PGM5: variants seen among roughly 807,000 people sequenced by gnomAD.
The protein encoded by PGM5 is phosphoglucomutase-like protein 5.
PGM5 carries 23 observed loss-of-function variants against 59.2 expected under a neutral mutation model. The ratio of observed to expected loss-of-function variants is 0.39; its 90% confidence interval spans 0.28 to 0.55. PGM5 has a LOEUF of 0.55. Ranked by LOEUF, PGM5 falls within the 20% of genes least tolerant of loss-of-function variation. The probability of loss-of-function intolerance (pLI) is 0.66; values close to 1 mark genes in which losing one functional copy is unlikely to be tolerated. For missense variants in PGM5, 574 were observed against 748.3 expected (o/e 0.77, Z 2.72); for synonymous variants, 214 against 286.0 (o/e 0.75, Z 2.54).
At chr9:68,434,529 TG>T (rs1314194144) in intron 6 of PGM5, among the ~76,000 whole-genome samples, 1 of 151,278 alleles carries the variant, frequency 6.6e-6, no homozygotes, top group African/African-American at 2.4e-5. Flanking sequence ...GATCTTGGCT[TG>T]GTGCGGTGGC....
chr9:68,463,391 G>C (rs1378688732), intron 6 of PGM5, among the ~76,000 whole-genome samples: 1 of 152,030 alleles, frequency 6.6e-6, no homozygotes, highest in East Asian at 1.9e-4. Context: ...TCAGTTGCTA[G>C]CTCTGGGGAA....
At position 68,502,141 on chromosome 9, in the gene PGM5, T is replaced by A. The variant is rs148042592; in HGVS notation, c.1614+2780T>A. 4.6e-3 allele frequency among the ~76,000 whole-genome samples: 705 copies of A among 152,344 alleles called. 3 individuals are homozygous for A. Among genetic ancestry groups the A allele is most frequent in the African/African-American group, 0.016 (662 of 41,582 alleles). On this transcript the variant is annotated intron_variant, in intron 10 of 10. Coordinates refer to ENST00000396396, the MANE Select transcript of PGM5 (RefSeq NM_021965.4). Reference sequence around the variant, plus strand: ...TGGGCCGGGGAGGGCCCTGATGAGATGGGCAGGTTCTTGCCCTGATCCCAC... The same window carrying A: ...TGGGCCGGGGAGGGCCCTGATGAGAAGGGCAGGTTCTTGCCCTGATCCCAC...
chr9:68,430,357 C>T (rs990958446), intron 6 of PGM5, among the ~76,000 whole-genome samples: 1 of 152,148 alleles, frequency 6.6e-6, no homozygotes, highest in Admixed American at 6.5e-5. Context: ...TCATGGAGAG[C>T]GAAATGAGTG....
chr9:68,444,847 G>A (rs1823586213), intron 6 of PGM5, among the ~76,000 whole-genome samples: 1 of 152,164 alleles, frequency 6.6e-6, no homozygotes, highest in Non-Finnish European at 1.5e-5. Context: ...AGGGGTACAG[G>A]AAGGAGTGGA....
intron 10 of PGM5, among the ~76,000 whole-genome samples, chr9:68,510,433 G>A (rs991238027): frequency 5.9e-5 from 9 of 152,150 alleles, no homozygotes; most frequent in African/African-American, 1.7e-4. Flanking sequence ...TTACAGGCTT[G>A]AGCCACCGTG....
chr9:68,512,116 C>A (rs533688213), intron 10 of PGM5, among the ~76,000 whole-genome samples: 3 of 152,306 alleles, frequency 2.0e-5, no homozygotes, highest in Non-Finnish European at 4.4e-5. Context: ...TCAATGATTT[C>A]ATTTCATCCA....
chr9:68,414,036 T>A (rs1252620258), intron 6 of PGM5, among the ~76,000 whole-genome samples: 3 of 151,986 alleles, frequency 2.0e-5, no homozygotes, highest in Non-Finnish European at 2.9e-5. Context: ...TGGAGGTGAG[T>A]TCTTACTCAG....
chr9:68,484,591 CAAAAAACAAAAA>C (rs1400181518), intron 9 of PGM5, among the ~76,000 whole-genome samples: 3 of 137,428 alleles, frequency 2.2e-5, no homozygotes, highest in African/African-American at 9.1e-5. Flanking sequence ...ACAAAACAAA[CAAAAAACAAAAA>C]AAAAAACAAA....
intron 10 of PGM5, among the ~76,000 whole-genome samples, chr9:68,523,160 C>T (rs1368012960): frequency 6.6e-6 from 1 of 152,226 alleles, no homozygotes; most frequent in Non-Finnish European, 1.5e-5. Flanking sequence ...GTAGGTCAGA[C>T]AGCCACTTCT....
chr9:68,396,522 A>G (rs2132017973), intron 6 of PGM5: 1 of 152,360 alleles, frequency 6.6e-6, no homozygotes, highest in African/African-American at 2.4e-5. Context: ...CTCCTTCTCA[A>G]TAAATCTCTG....
Position 68,479,417 on chromosome 9 carries a change from G to C in PGM5, c.1160-1G>C. ...CAGCAGAATTTTTCTTTCACCTTTA[G>C]GCTCTGACCACCTCCGAGAGAAGGA... On this transcript the variant is annotated splice_acceptor_variant, in intron 7 of 10. Transcript: ENST00000396396. LOFTEE classifies it high-confidence loss of function. The C allele has an allele frequency of 6.2e-7, 1 of 1,605,782 alleles. No individual in the cohort carries two copies. Among genetic ancestry groups the C allele is most frequent in the South Asian group, 1.1e-5 (1 of 90,636 alleles).
intron 6 of PGM5, among the ~76,000 whole-genome samples, chr9:68,402,106 A>T (rs2987707): frequency 2.1e-4 from 30 of 145,514 alleles, no homozygotes; most frequent in African/African-American, 6.7e-4. Context: ...TCTACTAAAA[A>T]TGCAAAAATT....
intron 6 of PGM5, among the ~76,000 whole-genome samples, chr9:68,402,170 A>T (rs558609075): frequency 3.2e-4 from 49 of 152,328 alleles, no homozygotes; most frequent in African/African-American, 1.2e-3. Context: ...AGGCTGAGGC[A>T]TGAGAATCGC....
At chr9:68,360,780 A>T (rs1254994136) in intron 1 of PGM5, among the ~76,000 whole-genome samples, 6 of 152,228 alleles carry the variant, frequency 3.9e-5, no homozygotes, top group Admixed American at 3.3e-4. Context: ...TTTTACCCCT[A>T]AATCTTTAGT....
chr9:68,417,301 T>C (rs1417271845), intron 6 of PGM5, among the ~76,000 whole-genome samples: 2 of 152,216 alleles, frequency 1.3e-5, no homozygotes, highest in African/African-American at 2.4e-5. Context: ...CAATGGGTTA[T>C]GCCTTCAGCT....
chr9:68,427,786 A>C (rs1823262821), intron 6 of PGM5, among the ~76,000 whole-genome samples: 1 of 152,126 alleles, frequency 6.6e-6, no homozygotes, highest in African/African-American at 2.4e-5. Context: ...GCTGGATGAA[A>C]ACCAATCCTA....
In PGM5 at chr9:68,424,729, T is replaced by G. The variant is rs563793483; in HGVS notation, c.1043+32256T>G. Among the ~76,000 whole-genome samples, 3 of 152,346 alleles carry G rather than the reference T, an allele frequency of 2.0e-5. No homozygotes were observed. The South Asian group carries it at 6.2e-4, about 32-fold the overall frequency. Reference sequence around the variant, plus strand: ...ATAGCTTTTGACAGATTGTTGTGATTCTCCAGTAAGGACTACAGAATGTAG... The same window carrying G: ...ATAGCTTTTGACAGATTGTTGTGATGCTCCAGTAAGGACTACAGAATGTAG... On this transcript the variant is annotated intron_variant, in intron 6 of 10. Coordinates refer to ENST00000396396, the MANE Select transcript of PGM5 (RefSeq NM_021965.4).
chr9:68,426,038 A>G (rs1304099103), intron 6 of PGM5, among the ~76,000 whole-genome samples: 1 of 152,132 alleles, frequency 6.6e-6, no homozygotes, highest in Non-Finnish European at 1.5e-5. Flanking sequence ...TTAGCTATAT[A>G]TTTTTTAAGC....
chr9:68,516,160 A>C (rs1564027179), intron 10 of PGM5, among the ~76,000 whole-genome samples: 1 of 152,246 alleles, frequency 6.6e-6, no homozygotes, highest in African/African-American at 2.4e-5. Context: ...TCAGAGCCCA[A>C]GACCTTAACT....
Sources: allele counts gnomAD v4.1 joint callset (sites outside exome capture counted in the v4.1 genomes callset), GRCh38; gene constraint gnomAD v4.1.1; transcripts MANE v1.5; gene names NCBI Gene and HGNC (gene_info 2026-07-23, HGNC 2026-07-21).